GABRB1: variants seen among roughly 807,000 people sequenced by gnomAD.
GABRB1 encodes gamma-aminobutyric acid type A receptor subunit beta1, also known as gamma-aminobutyric acid receptor subunit beta-1.
GABRB1 carries 17 observed loss-of-function variants against 51.6 expected under a neutral mutation model. The ratio of observed to expected loss-of-function variants is 0.33; its 90% CI spans 0.23 to 0.49. The LOEUF (loss-of-function observed/expected upper bound fraction) is 0.49, where lower values mean the gene tolerates loss of function less well. Ranked by LOEUF, GABRB1 falls within the 20% of genes least tolerant of loss-of-function variation. The pLI, the probability that GABRB1 is intolerant of heterozygous loss-of-function variation, is 0.99. For missense variants in GABRB1, 410 were observed against 600.6 expected (o/e 0.68, Z 3.32); for synonymous variants, 247 against 218.9 (o/e 1.13, Z -1.14).
Position 47,403,371 on chromosome 4 carries a change from G to T in GABRB1, c.598G>T (p.Val200Phe). 1 of 1,614,040 alleles carries T rather than the reference G, an allele frequency of 6.2e-7. No homozygotes were observed. The change falls in exon 6 of 9, where the codon GTC (valine) becomes TTC (phenylalanine). Residue 200 changes from valine (V) to phenylalanine (F), a missense_variant. Val to Phe is a conservative substitution (Grantham distance 50, BLOSUM62 -1). This residue lies in a region of GABRB1 where 36 missense variants were observed against 39.7 expected (regional missense o/e 0.91). Transcript: ENST00000295454. ...TTACTGGAATGGAGGAGAAGGGGCA[G>T]TCACTGGTGTTAATAAAATCGAACT... ...EFYWNGGEGA[V>F]TGVNKIELPQ... is the part of the protein sequence containing the mutation.
At chr4:47,036,089 T>G (rs955441897) in intron 3 of GABRB1, among the ~76,000 whole-genome samples, 1 of 152,212 alleles carries the variant, frequency 6.6e-6, no homozygotes, top group Non-Finnish European at 1.5e-5. Flanking sequence ...GGATTCATTG[T>G]CTTTCCTTCC....
chr4:46,996,667 T>G (rs934690590), intron 1 of GABRB1, among the ~76,000 whole-genome samples: 2 of 152,162 alleles, frequency 1.3e-5, no homozygotes, highest in African/African-American at 2.4e-5. Context: ...AGTTAATGTG[T>G]GATAAAAATC....
At chr4:47,363,582 T>C (rs1036305154) in intron 5 of GABRB1, among the ~76,000 whole-genome samples, 2 of 152,288 alleles carry the variant, frequency 1.3e-5, no homozygotes, top group East Asian at 3.9e-4. Flanking sequence ...TATAAAATAA[T>C]CTATGATCTG....
intron 1 of GABRB1, among the ~76,000 whole-genome samples, chr4:46,997,476 G>T (rs944427964): frequency 6.6e-6 from 1 of 151,158 alleles, no homozygotes; most frequent in Non-Finnish European, 1.5e-5. Flanking sequence ...AACTTCGTAC[G>T]CTTCAAGCTG....
chr4:47,396,554 A>T lies in GABRB1; in HGVS notation c.545-6764A>T, dbSNP rs528552012. On this transcript the variant is annotated intron_variant, in intron 5 of 8. Transcript: ENST00000295454. The stretch of plus-strand genomic sequence containing the variant: ...AAGGAAATTTCTAGAAATTTCTTTA[A>T]TGATTAATTTCTAGAAATTTTTATA... Among the ~76,000 whole-genome samples, 3 of 152,184 alleles carry T rather than the reference A, an allele frequency of 2.0e-5. No homozygotes were observed. The East Asian group carries it at 5.8e-4, about 29-fold the overall frequency.
At chr4:47,077,385 C>A (rs1727603394) in intron 3 of GABRB1, among the ~76,000 whole-genome samples, 1 of 152,126 alleles carries the variant, frequency 6.6e-6, no homozygotes, top group Admixed American at 6.6e-5. Flanking sequence ...ATTAAGCCAC[C>A]TAGATAGCAA....
chr4:47,393,297 A>T (rs1186392436), intron 5 of GABRB1, among the ~76,000 whole-genome samples: 2 of 152,198 alleles, frequency 1.3e-5, no homozygotes, highest in African/African-American at 4.8e-5. Flanking sequence ...AAATGATGAG[A>T]ATCAGTCCTT....
intron 5 of GABRB1, among the ~76,000 whole-genome samples, chr4:47,373,038 G>A (rs150223222): frequency 2.0e-5 from 3 of 152,280 alleles, no homozygotes; most frequent in African/African-American, 7.2e-5. Flanking sequence ...TACAGACACA[G>A]AGACTTGTCA....
chr4:47,026,464 T>C (rs1396141150), intron 1 of GABRB1, among the ~76,000 whole-genome samples: 2 of 152,092 alleles, frequency 1.3e-5, no homozygotes, highest in African/African-American at 2.4e-5. Flanking sequence ...CAGTAAAATC[T>C]ATTTTACTAT....
chr4:47,246,080 C>CA (rs924274227), intron 4 of GABRB1, among the ~76,000 whole-genome samples: 7 of 149,328 alleles, frequency 4.7e-5, no homozygotes, highest in Admixed American at 2.0e-4. Context: ...ATTCTCCCCC[C>CA]CCAAGTCCCC....
intron 4 of GABRB1, among the ~76,000 whole-genome samples, chr4:47,201,297 C>A (rs1480294713): frequency 6.6e-6 from 1 of 151,878 alleles, no homozygotes; most frequent in Non-Finnish European, 1.5e-5. Flanking sequence ...AAACTATCTA[C>A]AAAAGAAAAA....
At chr4:47,384,139 G>A (rs1418281234) in intron 5 of GABRB1, among the ~76,000 whole-genome samples, 2 of 151,758 alleles carry the variant, frequency 1.3e-5, no homozygotes, top group Non-Finnish European at 2.9e-5. Flanking sequence ...TATTCACCAC[G>A]TAAAATTTTT....
intron 4 of GABRB1, among the ~76,000 whole-genome samples, chr4:47,174,696 A>G (rs915680571): frequency 1.3e-5 from 2 of 151,986 alleles, no homozygotes; most frequent in Non-Finnish European, 2.9e-5. Flanking sequence ...TTCGCTTACT[A>G]TGGGTTTATT....
intron 4 of GABRB1, among the ~76,000 whole-genome samples, chr4:47,246,665 G>C (rs1328250423): frequency 1.3e-5 from 2 of 151,494 alleles, no homozygotes; most frequent in Non-Finnish European, 3.0e-5. Flanking sequence ...AGTGTTCCCT[G>C]ATCACTGCAT....
chr4:47,217,772 G>A (rs1046495056), intron 4 of GABRB1, among the ~76,000 whole-genome samples: 2 of 151,464 alleles, frequency 1.3e-5, no homozygotes, highest in Admixed American at 1.3e-4. Context: ...CACACAATGT[G>A]AAATGATCAC....
intron 5 of GABRB1, among the ~76,000 whole-genome samples, chr4:47,390,134 T>C (rs1347943213): frequency 6.6e-6 from 1 of 152,252 alleles, no homozygotes; most frequent in Non-Finnish European, 1.5e-5. Context: ...CTGGATCAAC[T>C]TGGATCACAT....
chr4:47,019,619 TTCTCTC>T (rs1175048632), intron 1 of GABRB1, among the ~76,000 whole-genome samples: 3 of 108,036 alleles, frequency 2.8e-5, no homozygotes, highest in Non-Finnish European at 5.6e-5. Context: ...CTTTCTTTCT[TTCTCTC>T]TCTTTCTTTC....
At chr4:47,093,008 CATACTT>C (rs1435186543) in intron 3 of GABRB1, among the ~76,000 whole-genome samples, 15 of 152,172 alleles carry the variant, frequency 9.9e-5, no homozygotes, top group African/African-American at 3.6e-4. Context: ...AGATGAGTAA[CATACTT>C]ATCATTGTCA....
chr4:47,206,720 A>G (rs1720139216), intron 4 of GABRB1, among the ~76,000 whole-genome samples: 1 of 151,914 alleles, frequency 6.6e-6, no homozygotes, highest in African/African-American at 2.4e-5. Context: ...TGATCCACAC[A>G]GTCTAACTCC....
Sources: gnomAD v4.1 joint callset for allele counts (sites outside exome capture counted in the v4.1 genomes callset) on GRCh38, gnomAD v4.1.1 for gene constraint, gnomAD v4.1.1 regional missense constraint, MANE v1.5 for transcripts, NCBI Gene and HGNC (gene_info 2026-07-23, HGNC 2026-07-21) for gene names.